IQGAP2: variants seen among roughly 807,000 people sequenced by gnomAD.
IQGAP2 encodes the protein IQ motif containing GTPase activating protein 2, also known as ras GTPase-activating-like protein IQGAP2.
IQGAP2 carries 173 observed loss-of-function variants against 201.3 expected under a neutral mutation model. The ratio of observed to expected loss-of-function variants is 0.86; its 90% confidence interval spans 0.76 to 0.98. The LOEUF is 0.98. Ranked by LOEUF, IQGAP2 falls within the 50% of genes least tolerant of loss-of-function variation. The pLI, the probability that IQGAP2 is intolerant of heterozygous loss-of-function variation, is 0.00. For missense variants in IQGAP2, 1,687 were observed against 1,864.8 expected, an observed-to-expected ratio of 0.90 and a Z score of 1.76; for synonymous variants, 675 against 673.9, an observed-to-expected ratio of 1.00 and a Z score of -0.03.
intron 1 of IQGAP2, among the ~76,000 whole-genome samples, chr5:76,444,295 GTTTGT>G (rs1005518649): frequency 9.2e-5 from 14 of 151,972 alleles, no homozygotes; most frequent in African/African-American, 2.9e-4. Flanking sequence ...GTGTTTTTTT[GTTTGT>G]TTTGTTTTGT....
rs1744520087 is a variant in IQGAP2 at position 76,673,364 on chromosome 5, A to G, written c.3069-85A>G. 2.8e-6 allele frequency: 4 copies of G among 1,432,850 alleles called. No homozygotes were observed. The East Asian group carries it at 6.9e-5, about 25-fold the overall frequency. The allele number at this position is 1,432,850 out of a possible 1,614,324, so 88.8% of individuals were successfully genotyped here. A position where few individuals can be genotyped will look rare whatever the true frequency, so the allele number is the denominator to read the frequency against. On this transcript the variant is annotated intron_variant, in intron 24 of 35. Transcript: ENST00000274364. ...AGTGGCAAAGTCCAATTCACTATAC[A>G]AAGCTTGACTATAGAACCAACTTGG...
At chr5:76,457,982 G>T (rs1324728276) in intron 1 of IQGAP2, among the ~76,000 whole-genome samples, 1 of 152,308 alleles carries the variant, frequency 6.6e-6, no homozygotes, top group East Asian at 1.9e-4. Context: ...TGTGGAGGTT[G>T]CAGTTAATCA....
At chr5:76,649,994 C>A (rs1752386870) in intron 17 of IQGAP2, among the ~76,000 whole-genome samples, 1 of 152,238 alleles carries the variant, frequency 6.6e-6, no homozygotes, top group Non-Finnish European at 1.5e-5. Context: ...TGTACCTGAG[C>A]CCCTTTTAGC....
intron 17 of IQGAP2, among the ~76,000 whole-genome samples, chr5:76,644,302 T>TTTTTTTTTTTTTTTTTTTTTTTTTG: frequency 1.8e-5 from 1 of 55,962 alleles, no homozygotes; most frequent in Non-Finnish European, 4.7e-5. Context: ...ATCCTTTTTT[T>TTTTTTTTTTTTTTTTTTTTTTTTTG]TTTTTTTTTT....
At chr5:76,593,287 T>C (rs939584106) in intron 9 of IQGAP2, among the ~76,000 whole-genome samples, 2 of 152,250 alleles carry the variant, frequency 1.3e-5, no homozygotes. Context: ...TGATGTTCTA[T>C]TGGAATTGTA....
At chr5:76,586,608 G>A (rs532326636) in intron 5 of IQGAP2, among the ~76,000 whole-genome samples, 2 of 151,954 alleles carry the variant, frequency 1.3e-5, no homozygotes, top group South Asian at 2.1e-4. Flanking sequence ...AATATCCTGT[G>A]GTGATAAGGG....
chr5:76,451,257 C>G (rs1000096548), intron 1 of IQGAP2, among the ~76,000 whole-genome samples: 1 of 152,166 alleles, frequency 6.6e-6, no homozygotes, highest in Non-Finnish European at 1.5e-5. Flanking sequence ...TTTTCTTCCC[C>G]CATACCGTGC....
At chr5:76,685,209 G>A (rs957127323) in intron 30 of IQGAP2, among the ~76,000 whole-genome samples, 8 of 152,112 alleles carry the variant, frequency 5.3e-5, no homozygotes, top group African/African-American at 1.9e-4. Flanking sequence ...GACAATTCAG[G>A]GCAGGGCAGG....
chr5:76,601,137 T>C (rs1421728021), intron 11 of IQGAP2, among the ~76,000 whole-genome samples, 165 bp downstream of exon 11: 3 of 152,252 alleles, frequency 2.0e-5, no homozygotes, highest in African/African-American at 7.2e-5. Context: ...TTGTTTACAG[T>C]ATTCCTTCTG....
chr5:76,633,776 A>G (rs907302535), intron 15 of IQGAP2, among the ~76,000 whole-genome samples: 2 of 152,194 alleles, frequency 1.3e-5, no homozygotes, highest in African/African-American at 2.4e-5. Context: ...TGTAAACAGA[A>G]TTATACAATA....
At chr5:76,446,813 A>T (rs1370497785) in intron 1 of IQGAP2, among the ~76,000 whole-genome samples, 1 of 152,236 alleles carries the variant, frequency 6.6e-6, no homozygotes, top group East Asian at 1.9e-4. Context: ...CAGACTTAGC[A>T]TATCCAGCAT....
chr5:76,407,929 G>A (rs1358684359), intron 1 of IQGAP2, among the ~76,000 whole-genome samples: 2 of 152,166 alleles, frequency 1.3e-5, no homozygotes, highest in Non-Finnish European at 2.9e-5. Context: ...TCACGAGTTT[G>A]AGACTAGCCT....
intron 30 of IQGAP2, among the ~76,000 whole-genome samples, chr5:76,691,237 G>A (rs148832224): frequency 6.6e-6 from 1 of 152,238 alleles, no homozygotes; most frequent in East Asian, 1.9e-4. Flanking sequence ...GAAGTCCAAG[G>A]GAAACAGGCT....
intron 2 of IQGAP2, among the ~76,000 whole-genome samples, chr5:76,472,244 A>C (rs1245724718): frequency 6.6e-6 from 1 of 152,224 alleles, no homozygotes; most frequent in Non-Finnish European, 1.5e-5. Flanking sequence ...TGAGGAGCCC[A>C]GACTTGTCCA....
chr5:76,578,324 T>A (rs924664531), intron 5 of IQGAP2, among the ~76,000 whole-genome samples: 6 of 152,064 alleles, frequency 3.9e-5, no homozygotes, highest in Non-Finnish European at 7.4e-5. Context: ...GGCATCTTTT[T>A]TTTTTTTGAG....
intron 1 of IQGAP2, among the ~76,000 whole-genome samples, chr5:76,411,167 C>T (rs1007984325): frequency 1.3e-5 from 2 of 152,132 alleles, no homozygotes; most frequent in Non-Finnish European, 2.9e-5. Flanking sequence ...TTCTGATGCG[C>T]TAGAGCATCA....
chr5:76,663,447 A>T (rs1270766457), intron 21 of IQGAP2, among the ~76,000 whole-genome samples: 2 of 146,918 alleles, frequency 1.4e-5, no homozygotes, highest in East Asian at 3.9e-4. Flanking sequence ...GTGGCAGGGG[A>T]GGTGTTCTAG....
At chr5:76,466,340 C>G (rs1754778825) in intron 2 of IQGAP2, among the ~76,000 whole-genome samples, 1 of 151,996 alleles carries the variant, frequency 6.6e-6, no homozygotes, top group African/African-American at 2.4e-5. Context: ...GTCTCAAAAA[C>G]AAGAACAAAA....
intron 17 of IQGAP2, among the ~76,000 whole-genome samples, chr5:76,644,352 T>G (rs948575453): frequency 1.5e-5 from 2 of 137,166 alleles, no homozygotes; most frequent in Non-Finnish European, 3.1e-5. Flanking sequence ...CAGGCTGGAG[T>G]GCAGTGGCAC....
Sources: gnomAD v4.1 joint callset for allele counts (sites outside exome capture counted in the v4.1 genomes callset) on GRCh38, gnomAD v4.1.1 for gene constraint, MANE v1.5 for transcripts, NCBI Gene and HGNC (gene_info 2026-07-23, HGNC 2026-07-21) for gene names.